The following ZNF761 variants were observed in gnomAD, a reference collection of about 807,000 sequenced individuals.
The protein encoded by ZNF761 is zinc finger protein 761.
In ZNF761, 43 loss-of-function variants were observed where a neutral mutation model predicts 59.9. The ratio of observed to expected loss-of-function variants is 0.72; its 90% CI spans 0.56 to 0.92. The LOEUF (loss-of-function observed/expected upper bound fraction) is 0.92. Among genes scored for constraint, ZNF761 ranks in the 40% least tolerant of loss-of-function variants. The pLI, the probability that ZNF761 is intolerant of heterozygous loss-of-function variation, is 0.00. For synonymous variants in ZNF761, 294 were observed against 304.8 expected (o/e 0.96, Z 0.37); for missense variants, 850 against 906.1 (o/e 0.94, Z 0.79).
rs758606468 is a variant in ZNF761, at chr19:53,455,022, C to G, written c.515C>G (p.Ser172Cys). Reference sequence around the variant, plus strand: ...GTTGTGAAGTCTGTCCACGATGCTTCCTTGGTTTCAACAGCCCAAAGAATT... The same window carrying G: ...GTTGTGAAGTCTGTCCACGATGCTTGCTTGGTTTCAACAGCCCAAAGAATT... Reference protein sequence around the residue: ...NQVVKSVHDASLVSTAQRISC... With the variant: ...NQVVKSVHDACLVSTAQRISC... The change falls in exon 5 of 5, where the codon TCC (serine) becomes TGC (cysteine). Residue 172 changes from serine to cysteine, a missense_variant. Physicochemically the swap from Ser to Cys is moderately radical, Grantham distance 112. Transcript: ENST00000684525. The G allele has an allele frequency of 4.4e-5, 71 of 1,614,036 alleles. No individual in the cohort carries two copies. The highest frequency in any genetic ancestry group is 5.5e-5 in the Non-Finnish European group (65 of 1,180,032).
At position 53,455,070 on chromosome 19, in the gene ZNF761, T is replaced by C; in HGVS notation, c.563T>C (p.Ile188Thr). The C allele has an allele frequency of 6.2e-7, 1 of 1,614,166 alleles. No individual in the cohort carries two copies. Among genetic ancestry groups the C allele is most frequent in the Non-Finnish European group, 8.5e-7 (1 of 1,180,026 alleles). Residue 188 changes from isoleucine (I) to threonine (T), a missense_variant, in exon 5 of 5, where the codon ATA (isoleucine) becomes ACA (threonine). Coordinates refer to ENST00000684525, the MANE Select transcript of ZNF761 (RefSeq NM_001289951.2). Reference protein sequence around the residue: ...QRISCRPKTHISNNHGNNFWN... With the variant: ...QRISCRPKTHTSNNHGNNFWN... ...ATTTCTTGTAGGCCCAAAACCCATA[T>C]ATCTAATAACCATGGGAATAATTTC...
At chr19:53,450,170 G>GCA (rs1274103336) in intron 4 of ZNF761, 1 of 213,440 alleles carries the variant, frequency 4.7e-6, no homozygotes, top group Non-Finnish European at 9.2e-6. Context: ...GGGTGTGGTG[G>GCA]CATGGGCCTG....
At chr19:53,451,997 G>A (rs1011121282) in intron 4 of ZNF761, among the ~76,000 whole-genome samples, 13 of 152,066 alleles carry the variant, frequency 8.5e-5, no homozygotes, top group African/African-American at 2.7e-4. Flanking sequence ...TTCAGCCCTC[G>A]GTGATGTTGA....
At position 53,456,574 on chromosome 19, in the gene ZNF761, T is replaced by C. The variant is rs770547267; in HGVS notation, c.2067T>C (p.Pro689=). The change falls in exon 5 of 5, where the codon CCT becomes CCC. Residue 689 remains proline (P), a synonymous_variant. Transcript: ENST00000684525. ...CHHRLHTGEK[P]YKCNECGKNF... is the part of the protein sequence containing the mutation. ...ATAGACTTCATACTGGAGAGAAACC[T>C]TATAAGTGTAATGAGTGTGGCAAGA... 6.2e-7 allele frequency: 1 copy of C among 1,610,854 alleles called. No homozygotes were observed. The highest frequency in any genetic ancestry group is 1.7e-5 in the Admixed American group (1 of 59,798).
At chr19:53,437,167 A>C (rs1392785765) in intron 1 of ZNF761, among the ~76,000 whole-genome samples, 3 of 152,082 alleles carry the variant, frequency 2.0e-5, no homozygotes, top group African/African-American at 7.2e-5. Context: ...AATACAAAAA[A>C]AATAGCCAGT....
In ZNF761 at chr19:53,454,807, A is replaced by T. The variant is rs141314537; in HGVS notation, c.300A>T (p.Gln100His). The T allele has an allele frequency of 1.2e-6, 2 of 1,614,200 alleles. No individual in the cohort carries two copies. Among genetic ancestry groups the T allele is most frequent in the East Asian group, 2.2e-5 (1 of 44,868 alleles). The change falls in exon 5 of 5, where the codon CAA becomes CAT. Residue 100 changes from glutamine (Q) to histidine (H), a missense_variant. Transcript: ENST00000684525. ...VDKDIHDYEF[Q>H]WQEDERNGHE... ...AAGATATTCATGACTATGAATTTCAATGGCAAGAAGATGAAAGAAATGGCC... is the reference window on the plus strand; with the variant it reads ...AAGATATTCATGACTATGAATTTCATTGGCAAGAAGATGAAAGAAATGGCC...
Position 53,442,454 on chromosome 19 carries a change from G to A in ZNF761, c.-184-3773G>A, listed in dbSNP as rs138094171. On this transcript the variant is annotated intron_variant, in intron 1 of 4. Coordinates refer to ENST00000684525, the MANE Select transcript of ZNF761 (RefSeq NM_001289951.2). ...AGATTCTTACTGATAATCTCAAGGA[G>A]GCAGAGACCCATGCTGAGTTGGCTG... 2.9e-4 allele frequency: 230 copies of A among 784,602 alleles called. 1 individual carries two copies. The African/African-American group carries it at 3.4e-3, about 12-fold the overall frequency. 48.6% of individuals were successfully genotyped at this position (784,602 alleles called of 1,614,324 possible).
intron 2 of ZNF761, 60 bp from the exon 3 acceptor site, chr19:53,447,136 G>T: frequency 8.6e-7 from 1 of 1,161,216 alleles, no homozygotes; most frequent in East Asian, 2.4e-5. Context: ...ATGTGTGGTT[G>T]TGTTCCACGG....
At chr19:53,435,913 T>C (rs2086037231) in intron 1 of ZNF761, among the ~76,000 whole-genome samples, 3 of 152,208 alleles carry the variant, frequency 2.0e-5, no homozygotes, top group African/African-American at 7.2e-5. Flanking sequence ...ATTTACTTGC[T>C]TGACGAGTCC....
At chr19:53,441,958 GT>G in intron 1 of ZNF761, 1 of 1,458,098 alleles carries the variant, frequency 6.9e-7, no homozygotes, top group South Asian at 1.1e-5. Context: ...AGCACCTCCA[GT>G]GAGAAGCTGA....
chr19:53,447,601 C>T (rs2086174613), intron 3 of ZNF761, among the ~76,000 whole-genome samples: 1 of 152,160 alleles, frequency 6.6e-6, no homozygotes, highest in African/African-American at 2.4e-5. Context: ...TCTGGACGTA[C>T]TGTCAGCTCT....
intron 4 of ZNF761, among the ~76,000 whole-genome samples, chr19:53,452,702 C>T (rs546711993): frequency 2.0e-4 from 30 of 152,292 alleles, no homozygotes; most frequent in African/African-American, 7.0e-4. Flanking sequence ...ATGGTTTAGC[C>T]CAGCCATCTT....
At chr19:53,451,864 G>A (rs977158752) in intron 4 of ZNF761, among the ~76,000 whole-genome samples, 3 of 151,790 alleles carry the variant, frequency 2.0e-5, no homozygotes, top group African/African-American at 7.3e-5. Flanking sequence ...TGGGATTACA[G>A]GTGTGAACCA....
At position 53,456,824 on chromosome 19, in the gene ZNF761, G is replaced by A. The variant is rs1308638848; in HGVS notation, c.*76G>A. 5 of 1,487,190 alleles carry A rather than the reference G, an allele frequency of 3.4e-6. No individual in the cohort carries two copies. Among genetic ancestry groups the A allele is most frequent in the Non-Finnish European group, 2.8e-6 (3 of 1,077,982 alleles). The allele number at this position is 1,487,190 out of a possible 1,614,324, so 92.1% of individuals were successfully genotyped here. ...GAATTCATACTGGGGAGAAACCTTA[G>A]AAATGTGAAGCATGTGATAAAGTTT... On this transcript the variant is annotated 3_prime_UTR_variant, in exon 5 of 5. Coordinates refer to ENST00000684525, the MANE Select transcript of ZNF761 (RefSeq NM_001289951.2).
At chr19:53,439,011 C>T (rs2086071166) in intron 1 of ZNF761, among the ~76,000 whole-genome samples, 2 of 152,064 alleles carry the variant, frequency 1.3e-5, no homozygotes, top group South Asian at 2.1e-4. Flanking sequence ...TGGTGGTTTG[C>T]GCCTCTCATC....
intron 3 of ZNF761, among the ~76,000 whole-genome samples, chr19:53,447,599 T>C (rs2086174554): frequency 6.6e-6 from 1 of 152,182 alleles, no homozygotes; most frequent in South Asian, 2.1e-4. Flanking sequence ...CATCTGGACG[T>C]ACTGTCAGCT....
chr19:53,432,976 AAGG>A (rs911690811), intron 1 of ZNF761, among the ~76,000 whole-genome samples: 10 of 151,360 alleles, frequency 6.6e-5, no homozygotes, highest in South Asian at 2.1e-4. Flanking sequence ...TGCTGGTGGC[AAGG>A]AGAACAGAGG....
chr19:53,455,821 C>CA lies in ZNF761; in HGVS notation c.1316dup (p.Cys440ValfsTer2). Reference sequence around the variant, plus strand: ...AAATTCATACTGAAGACAATGCTTACAAGTGTAATGAGTGTGGAAAGACCT... The same window carrying CA: ...AAATTCATACTGAAGACAATGCTTACAAAGTGTAATGAGTGTGGAAAGACCT... On this transcript the variant is annotated frameshift_variant, in exon 5 of 5. Coordinates refer to ENST00000684525, the MANE Select transcript of ZNF761 (RefSeq NM_001289951.2). LOFTEE classifies it high-confidence loss of function. 5 of 1,613,740 alleles carry CA rather than the reference C, an allele frequency of 3.1e-6. No homozygotes were observed. Among genetic ancestry groups the CA allele is most frequent in the Non-Finnish European group, 4.2e-6 (5 of 1,179,968 alleles).
chr19:53,448,756 C>CA (rs572715864), intron 3 of ZNF761, among the ~76,000 whole-genome samples: 133 of 150,526 alleles, frequency 8.8e-4, no homozygotes, highest in African/African-American at 2.8e-3. Flanking sequence ...CCACAGGTGC[C>CA]TGCCACCATG....
Sources: gnomAD v4.1 joint callset for allele counts (sites outside exome capture counted in the v4.1 genomes callset) on GRCh38, gnomAD v4.1.1 for gene constraint, MANE v1.5 for transcripts, NCBI Gene and HGNC (gene_info 2026-07-23, HGNC 2026-07-21) for gene names.